OSBPL1A: variants seen among roughly 807,000 people sequenced by gnomAD.
The protein encoded by OSBPL1A is oxysterol-binding protein-related protein 1.
A neutral mutation model predicts 137.1 loss-of-function variants in OSBPL1A; 80 were observed. The observed-to-expected ratio is 0.58, with a 90% CI of 0.49 to 0.70. OSBPL1A has a LOEUF of 0.70. Ranked by LOEUF, OSBPL1A falls within the 30% of genes least tolerant of loss-of-function variation. The pLI, the probability that OSBPL1A is intolerant of heterozygous loss-of-function variation, is 0.00. For synonymous variants in OSBPL1A, 365 were observed against 389.7 expected (o/e 0.94, Z 0.75); for missense variants, 970 against 1,129.4 (o/e 0.86, Z 2.02).
chr18:24,240,333 T>A (rs1032622946), intron 15 of OSBPL1A, among the ~76,000 whole-genome samples: 3 of 152,210 alleles, frequency 2.0e-5, no homozygotes, highest in Non-Finnish European at 4.4e-5. Flanking sequence ...CTGGTTTGAT[T>A]TTTTTACTGT....
At chr18:24,191,758 GCT>G (rs755935769) in intron 18 of OSBPL1A, among the ~76,000 whole-genome samples, 1 of 152,158 alleles carries the variant, frequency 6.6e-6, no homozygotes, top group Non-Finnish European at 1.5e-5. Context: ...GGTAAATGGA[GCT>G]AATGGAAGAG....
At chr18:24,288,033 G>C (rs897044701) in intron 14 of OSBPL1A, among the ~76,000 whole-genome samples, 1 of 152,144 alleles carries the variant, frequency 6.6e-6, no homozygotes, top group African/African-American at 2.4e-5. Context: ...ACCTGAGGAG[G>C]CTGGGCCTGC....
intron 17 of OSBPL1A, among the ~76,000 whole-genome samples, chr18:24,201,735 C>A (rs1430784851): frequency 6.6e-6 from 1 of 151,932 alleles, no homozygotes; most frequent in East Asian, 1.9e-4. Context: ...TGCACTCCCA[C>A]CTGGGCAACA....
intron 4 of OSBPL1A, among the ~76,000 whole-genome samples, chr18:24,354,945 G>A (rs893230961): frequency 6.6e-6 from 1 of 152,000 alleles, no homozygotes; most frequent in Non-Finnish European, 1.5e-5. Context: ...CCTGGCTCCT[G>A]ATGGTTAAGT....
At chr18:24,310,412 C>T (rs1421531872) in intron 13 of OSBPL1A, among the ~76,000 whole-genome samples, 1 of 142,100 alleles carries the variant, frequency 7.0e-6, no homozygotes, top group South Asian at 2.2e-4. Context: ...CACGGTGAAA[C>T]CCTGTCTCTA....
At chr18:24,360,871 T>C (rs953793584) in intron 4 of OSBPL1A, among the ~76,000 whole-genome samples, 1 of 152,212 alleles carries the variant, frequency 6.6e-6, no homozygotes, top group Non-Finnish European at 1.5e-5. Context: ...CTGTGCTCCC[T>C]GAGCTGCCGG....
At position 24,331,034 on chromosome 18, in the gene OSBPL1A, C is replaced by T. The variant is rs145196548; in HGVS notation, c.625+1908G>A. 5.3e-3 allele frequency among the ~76,000 whole-genome samples: 803 copies of T among 152,236 alleles called. 5 individuals carry two copies. The highest frequency in any genetic ancestry group is 0.014 in the South Asian group (70 of 4,828). On this transcript the variant is annotated intron_variant, in intron 7 of 27. Transcript: ENST00000319481. Reference sequence around the variant, plus strand: ...GGTCTCAATCTCTTGACCTTGTGATCTACCAGCCTCGGCCTCTCAAAGTGC... The same window carrying T: ...GGTCTCAATCTCTTGACCTTGTGATTTACCAGCCTCGGCCTCTCAAAGTGC...
intron 4 of OSBPL1A, among the ~76,000 whole-genome samples, chr18:24,365,271 G>C (rs2091687409): frequency 6.6e-6 from 1 of 152,136 alleles, no homozygotes. Flanking sequence ...AGACACAAAA[G>C]TTTGTATGAT....
chr18:24,388,298 A>C (rs888284793), intron 1 of OSBPL1A, among the ~76,000 whole-genome samples: 1 of 152,142 alleles, frequency 6.6e-6, no homozygotes. Context: ...TATCCCTAGC[A>C]AGGTGCCTAG....
At chr18:24,348,177 A>G (rs911997204) in intron 4 of OSBPL1A, among the ~76,000 whole-genome samples, 11 of 152,230 alleles carry the variant, frequency 7.2e-5, no homozygotes, top group African/African-American at 2.4e-4. Flanking sequence ...ATTGAAAAAT[A>G]TCAACAATAA....
At chr18:24,171,720 A>G (rs968448038) in intron 22 of OSBPL1A, among the ~76,000 whole-genome samples, 4 of 152,212 alleles carry the variant, frequency 2.6e-5, no homozygotes, top group African/African-American at 9.7e-5. Flanking sequence ...GCCTAAGGTC[A>G]CAAAGTAGAA....
At chr18:24,204,042 T>C (rs1214147307) in intron 17 of OSBPL1A, among the ~76,000 whole-genome samples, 2 of 152,236 alleles carry the variant, frequency 1.3e-5, no homozygotes, top group East Asian at 1.9e-4. Context: ...TTCATTTTAA[T>C]GGGGCAGAGC....
At chr18:24,328,533 T>A (rs2091021036) in intron 7 of OSBPL1A, among the ~76,000 whole-genome samples, 2 of 152,154 alleles carry the variant, frequency 1.3e-5, no homozygotes, top group Non-Finnish European at 2.9e-5. Flanking sequence ...GGAAAGGCTC[T>A]CTGGGGAAGC....
rs576533306 is a variant in OSBPL1A, at chr18:24,170,381, G to C, written c.2364C>G (p.Asp788Glu). 2.8e-5 allele frequency: 45 copies of C among 1,613,908 alleles called. No individual in the cohort carries two copies. Among genetic ancestry groups the C allele is most frequent in the Non-Finnish European group, 3.8e-5 (45 of 1,179,912 alleles). ...CLYSVDPATF[D>E]AYKKNDKKNT... ...TTTTCTTATCATTTTTTTTGTAAGC[G>C]TCAAACGTGGCAGGGTCAACACTGT... Residue 788 changes from aspartate (D) to glutamate (E), a missense_variant, in exon 24 of 28, where the codon GAC becomes GAG. By Grantham distance (45) the Asp-to-Glu change is conservative. Around this residue, in one of 2 missense-constraint regions of OSBPL1A, gnomAD observed 323 missense variants for 456.8 expected, o/e 0.71. Transcript: ENST00000319481.
intron 4 of OSBPL1A, among the ~76,000 whole-genome samples, chr18:24,366,166 A>G (rs1456053637): frequency 3.9e-5 from 6 of 152,176 alleles, no homozygotes; most frequent in Non-Finnish European, 7.4e-5. Context: ...CTGCTTTATT[A>G]CAAAGGATAC....
At chr18:24,170,276 C>T (rs1599425809) in intron 24 of OSBPL1A, 51 bp downstream of exon 24, 4 of 1,607,730 alleles carry the variant, frequency 2.5e-6, no homozygotes, top group South Asian at 1.1e-5. Context: ...AGGATTAGTA[C>T]ACATTGAAGA....
intron 4 of OSBPL1A, among the ~76,000 whole-genome samples, chr18:24,346,008 C>T (rs997043547): frequency 1.3e-5 from 2 of 152,150 alleles, no homozygotes; most frequent in Non-Finnish European, 2.9e-5. Flanking sequence ...GCACTTTGGC[C>T]AATTTGACAA....
At chr18:24,285,104 C>CA (rs1174150506) in intron 14 of OSBPL1A, among the ~76,000 whole-genome samples, 1 of 152,194 alleles carries the variant, frequency 6.6e-6, no homozygotes, top group African/African-American at 2.4e-5. Context: ...GACATGACAG[C>CA]AGCTGCTCCT....
intron 14 of OSBPL1A, among the ~76,000 whole-genome samples, chr18:24,291,069 C>T (rs1246764668): frequency 6.6e-6 from 1 of 152,006 alleles, no homozygotes; most frequent in Non-Finnish European, 1.5e-5. Context: ...GCAGGAAAAA[C>T]AAAAACAAAA....
Sources: gnomAD v4.1 joint callset for allele counts (sites outside exome capture counted in the v4.1 genomes callset) on GRCh38, gnomAD v4.1.1 for gene constraint, gnomAD v4.1.1 regional missense constraint, MANE v1.5 for transcripts, NCBI Gene and HGNC (gene_info 2026-07-23, HGNC 2026-07-21) for gene names.